PTPRD: variants seen among roughly 807,000 people sequenced by gnomAD.
PTPRD encodes the protein receptor-type tyrosine-protein phosphatase delta.
In PTPRD, 34 loss-of-function variants were observed where a neutral mutation model predicts 214.5. That is an observed-to-expected ratio of 0.16 (90% CI 0.12 to 0.21). PTPRD has a LOEUF of 0.21. PTPRD is among the 10% of genes least tolerant of loss of function. The pLI, the probability that PTPRD is intolerant of heterozygous loss-of-function variation, is 1.00. For synonymous variants in PTPRD, 1,128 were observed against 845.7 expected (o/e 1.33, Z -5.79); for missense variants, 2,545 against 2,398.7 (o/e 1.06, Z -1.27).
At chr9:8,505,171 G>C (rs1469153132) in intron 22 of PTPRD, among the ~76,000 whole-genome samples, 1 of 152,068 alleles carries the variant, frequency 6.6e-6, no homozygotes, top group Non-Finnish European at 1.5e-5. Context: ...CTTAAAATTT[G>C]TCATTTAGCA....
chr9:10,401,578 T>C (rs1183183549), intron 2 of PTPRD, among the ~76,000 whole-genome samples: 1 of 149,386 alleles, frequency 6.7e-6, no homozygotes, highest in Non-Finnish European at 1.5e-5. Flanking sequence ...AAATTATATA[T>C]ATAAACAGGT....
chr9:8,576,740 T>C (rs2092420070), intron 14 of PTPRD, among the ~76,000 whole-genome samples: 1 of 151,982 alleles, frequency 6.6e-6, no homozygotes, highest in South Asian at 2.1e-4. Context: ...CAAAGTAAAT[T>C]ATTCCCTACC....
chr9:10,100,789 A>G (rs972520794), intron 3 of PTPRD, among the ~76,000 whole-genome samples: 11 of 151,572 alleles, frequency 7.3e-5, no homozygotes, highest in Non-Finnish European at 1.6e-4. Flanking sequence ...TATTGATCCT[A>G]TAAGCTGGGG....
In PTPRD at chr9:9,545,262, CAT is replaced by C. The variant is rs560469198; in HGVS notation, c.-237+29468_-237+29469del. On this transcript the variant is annotated intron_variant, in intron 8 of 45. Transcript: ENST00000381196. ...CACTTGCCACTGTAGCATCATACAACATAGTTCCACTGTGCTAAAAATCCTCT... is the reference window on the plus strand; with the variant it reads ...CACTTGCCACTGTAGCATCATACAACAGTTCCACTGTGCTAAAAATCCTCT... Among the ~76,000 whole-genome samples the C allele has an allele frequency of 5.9e-5, 9 of 151,828 alleles. No homozygotes were observed. The South Asian group carries it at 1.5e-3, about 24-fold the overall frequency.
chr9:10,280,720 C>T (rs528364037), intron 3 of PTPRD, among the ~76,000 whole-genome samples: 1 of 152,206 alleles, frequency 6.6e-6, no homozygotes, highest in South Asian at 2.1e-4. Flanking sequence ...AAGTGTTCCC[C>T]CATCTCAGCC....
At chr9:9,387,865 T>C (rs1296835520) in intron 9 of PTPRD, among the ~76,000 whole-genome samples, 1 of 152,100 alleles carries the variant, frequency 6.6e-6, no homozygotes, top group Non-Finnish European at 1.5e-5. Context: ...TCATTTTCAT[T>C]ATGGTAAAAA....
chr9:8,943,533 T>A (rs1321306910), intron 11 of PTPRD, among the ~76,000 whole-genome samples: 1 of 151,496 alleles, frequency 6.6e-6, no homozygotes, highest in Non-Finnish European at 1.5e-5. Context: ...GAAAGGACAG[T>A]TTCTTCAATA....
chr9:10,165,068 G>A lies in PTPRD; in HGVS notation c.-544-131278C>T, dbSNP rs1172345457. On this transcript the variant is annotated intron_variant, in intron 3 of 45. Coordinates refer to ENST00000381196, the MANE Select transcript of PTPRD (RefSeq NM_002839.4). ...ATTAGAAGATGTAGGAAATACCTCA[G>A]AACTAAAGAAATTCTCAGGGCCTGG... Among the ~76,000 whole-genome samples the A allele has an allele frequency of 2.0e-5, 3 of 151,650 alleles. No homozygotes were observed. The East Asian group carries it at 5.8e-4, about 29-fold the overall frequency.
chr9:10,504,115 C>CAACAAAAAAAAAAAAAAAAAAAAA (rs1555439817), intron 2 of PTPRD, among the ~76,000 whole-genome samples: 1 of 26,970 alleles, frequency 3.7e-5, no homozygotes, highest in African/African-American at 1.8e-4. Context: ...GACTCTGTCT[C>CAACAAAAAAAAAAAAAAAAAAAAA]AAAAAAAAAA....
rs140713680 is a variant in PTPRD, at chr9:9,931,351, G to A, written c.-368+7156C>T. ...CACTAGGGAGTGCCAGACAGTGGGC[G>A]CAGGTCAGTGGGTGCGTGCACCGTG... On this transcript the variant is annotated intron_variant, in intron 5 of 45. Transcript: ENST00000381196. 9.2e-5 allele frequency among the ~76,000 whole-genome samples: 14 copies of A among 151,988 alleles called. 1 individual carries two copies. The highest frequency in any genetic ancestry group is 6.8e-3 in the Middle Eastern group (2 of 294).
chr9:8,668,580 T>A (rs1408493931), intron 12 of PTPRD, among the ~76,000 whole-genome samples: 5 of 152,190 alleles, frequency 3.3e-5, no homozygotes, highest in African/African-American at 1.2e-4. Flanking sequence ...AAACAAAGAC[T>A]AGACGATTTA....
At chr9:9,063,356 T>G (rs931375891) in intron 10 of PTPRD, among the ~76,000 whole-genome samples, 10 of 152,138 alleles carry the variant, frequency 6.6e-5, no homozygotes, top group Non-Finnish European at 1.5e-4. Context: ...AGAATGATGA[T>G]TTAGAAGTTA....
chr9:9,594,309 G>A (rs2093061184), intron 7 of PTPRD, among the ~76,000 whole-genome samples: 1 of 151,886 alleles, frequency 6.6e-6, no homozygotes, highest in South Asian at 2.1e-4. Flanking sequence ...TGTTCTTATG[G>A]CATTTGCTTT....
rs370664699 is a variant in PTPRD, at chr9:9,028,625, C to G, written c.-142-9890G>C. ...CTCCATCAACAAATATTTACTCTGT[C>G]TTCTCTATGAAAGACATTATGCTAA... On this transcript the variant is annotated intron_variant, in intron 10 of 45. Coordinates refer to ENST00000381196, the MANE Select transcript of PTPRD (RefSeq NM_002839.4). 3.3e-5 allele frequency among the ~76,000 whole-genome samples: 5 copies of G among 151,938 alleles called. No homozygotes were observed. In the South Asian group the frequency reaches 1.0e-3, roughly 31 times the overall value.
intron 11 of PTPRD, among the ~76,000 whole-genome samples, chr9:8,917,410 T>C (rs1359438054): frequency 6.6e-6 from 1 of 151,902 alleles, no homozygotes; most frequent in African/African-American, 2.4e-5. Flanking sequence ...GTGCTGGGAT[T>C]ACAAGTGTGA....
intron 2 of PTPRD, among the ~76,000 whole-genome samples, chr9:10,440,806 T>C (rs1320701036): frequency 6.6e-6 from 1 of 151,754 alleles, no homozygotes; most frequent in Non-Finnish European, 1.5e-5. Context: ...ACAAATCCTG[T>C]CTGGATCCAT....
At chr9:8,713,784 C>A in intron 12 of PTPRD, 1 of 1,536,694 alleles carries the variant, frequency 6.5e-7, no homozygotes, top group South Asian at 1.2e-5. Context: ...CCCACCGGGT[C>A]CTGCGCCTTC....
At chr9:9,760,889 G>A (rs894925659) in intron 6 of PTPRD, among the ~76,000 whole-genome samples, 2 of 152,062 alleles carry the variant, frequency 1.3e-5, no homozygotes, top group Admixed American at 6.6e-5. Context: ...AAATAAGAAC[G>A]ATCAACACCA....
At position 8,925,495 on chromosome 9, in the gene PTPRD, A is replaced by G. The variant is rs185051628; in HGVS notation, c.-104+93202T>C. 2.3e-3 allele frequency among the ~76,000 whole-genome samples: 339 copies of G among 150,088 alleles called. 3 individuals are homozygous for G. Among genetic ancestry groups the G allele is most frequent in the African/African-American group, 7.9e-3 (326 of 41,340 alleles). Reference sequence around the variant, plus strand: ...ACAGGAAAAAAATTTCAATTCCCCGAAACAGAAAAACAAAACAAAGAAAAC... The same window carrying G: ...ACAGGAAAAAAATTTCAATTCCCCGGAACAGAAAAACAAAACAAAGAAAAC... On this transcript the variant is annotated intron_variant, in intron 11 of 45. Coordinates refer to ENST00000381196, the MANE Select transcript of PTPRD (RefSeq NM_002839.4).
Sources: allele counts gnomAD v4.1 joint callset (sites outside exome capture counted in the v4.1 genomes callset), GRCh38; gene constraint gnomAD v4.1.1; transcripts MANE v1.5; gene names NCBI Gene and HGNC (gene_info 2026-07-23, HGNC 2026-07-21).